Variants in CSMD3 observed in about 807,000 individuals in gnomAD.
CSMD3 encodes the protein CUB and Sushi multiple domains 3, also known as CUB and sushi domain-containing protein 3.
CSMD3 carries 177 observed loss-of-function variants against 435.2 expected under a neutral mutation model. That is an observed-to-expected ratio of 0.41 (90% CI 0.36 to 0.46). CSMD3 has a LOEUF of 0.46. Ranked by LOEUF, CSMD3 falls within the 20% of genes least tolerant of loss-of-function variation. The pLI is 0.34. For synonymous variants in CSMD3, 1,656 were observed against 1,520.5 expected (o/e 1.09, Z -2.07); for missense variants, 4,265 against 4,504.6 (o/e 0.95, Z 1.52).
intron 13 of CSMD3, among the ~76,000 whole-genome samples, chr8:112,733,802 A>C (rs2077125751): frequency 6.6e-6 from 1 of 151,976 alleles, no homozygotes; most frequent in Admixed American, 6.6e-5. Flanking sequence ...TCAGTATAAA[A>C]ATAACACTTT....
intron 13 of CSMD3, among the ~76,000 whole-genome samples, chr8:112,714,609 C>T (rs1235886140): frequency 1.3e-5 from 2 of 152,190 alleles, no homozygotes; most frequent in Non-Finnish European, 2.9e-5. Flanking sequence ...CACCCCAAAT[C>T]AATGGAATAT....
At chr8:113,020,164 C>T (rs1184597552) in intron 5 of CSMD3, among the ~76,000 whole-genome samples, 2 of 96,498 alleles carry the variant, frequency 2.1e-5, no homozygotes, top group African/African-American at 1.0e-4. Context: ...AGCGAGACTC[C>T]GTCTCAAAAA....
chr8:113,322,931 A>G (rs1313881933), intron 1 of CSMD3, among the ~76,000 whole-genome samples: 1 of 152,030 alleles, frequency 6.6e-6, no homozygotes, highest in African/African-American at 2.4e-5. Context: ...TTTTAAGTAG[A>G]GACAAGGTTT....
intron 25 of CSMD3, among the ~76,000 whole-genome samples, chr8:112,556,329 C>T (rs1294920309): frequency 6.6e-5 from 10 of 151,976 alleles, no homozygotes; most frequent in Non-Finnish European, 1.3e-4. Flanking sequence ...AAATTGAGTG[C>T]TATGCTGTAA....
chr8:113,049,735 TAGAA>T (rs1229160213), intron 5 of CSMD3, among the ~76,000 whole-genome samples: 3 of 152,158 alleles, frequency 2.0e-5, no homozygotes, highest in East Asian at 3.8e-4. Context: ...AAAATGATCT[TAGAA>T]AGGAATGTAA....
intron 1 of CSMD3, among the ~76,000 whole-genome samples, chr8:113,329,681 C>G (rs2094012133): frequency 7.0e-6 from 1 of 142,104 alleles, no homozygotes; most frequent in Admixed American, 7.9e-5. Flanking sequence ...CCAGACACAT[C>G]ACAGTGAAAC....
At chr8:112,395,477 C>G (rs1052494960) in intron 35 of CSMD3, among the ~76,000 whole-genome samples, 4 of 151,872 alleles carry the variant, frequency 2.6e-5, no homozygotes, top group Non-Finnish European at 5.9e-5. Flanking sequence ...AACTTTTTTT[C>G]CCATTCTAAG....
chr8:112,234,151 A>ACC (rs1813350746), intron 68 of CSMD3, among the ~76,000 whole-genome samples: 1 of 148,964 alleles, frequency 6.7e-6, no homozygotes, highest in Non-Finnish European at 1.5e-5. Context: ...ACACCCCACC[A>ACC]CCACACACAC....
chr8:113,360,959 T>C (rs1031860915), intron 1 of CSMD3, among the ~76,000 whole-genome samples: 3 of 152,194 alleles, frequency 2.0e-5, no homozygotes, highest in African/African-American at 7.2e-5. Flanking sequence ...AGTATTCAAA[T>C]ATCATTTCAC....
At chr8:112,314,753 C>A in intron 47 of CSMD3, 136 bp from the exon 48 acceptor site, 1 of 697,164 alleles carries the variant, frequency 1.4e-6, no homozygotes, top group South Asian at 1.6e-5. Flanking sequence ...TTAGAAGAGA[C>A]AAGTTGTATT....
chr8:112,569,970 G>A (rs1586704509), intron 24 of CSMD3, among the ~76,000 whole-genome samples: 1 of 152,026 alleles, frequency 6.6e-6, no homozygotes, highest in Admixed American at 6.6e-5. Context: ...GACCTCCTCT[G>A]CAATACCTAT....
At chr8:113,058,183 C>T (rs1289242559) in intron 5 of CSMD3, among the ~76,000 whole-genome samples, 1 of 151,752 alleles carries the variant, frequency 6.6e-6, no homozygotes, top group African/African-American at 2.4e-5. Flanking sequence ...AATTTTATTA[C>T]CCTATCAAGA....
chr8:112,728,111 G>C (rs1344621454), intron 13 of CSMD3, among the ~76,000 whole-genome samples: 5 of 151,754 alleles, frequency 3.3e-5, no homozygotes, highest in Non-Finnish European at 5.9e-5. Context: ...AGAAAATGCA[G>C]ATTGTTGGGA....
intron 38 of CSMD3, among the ~76,000 whole-genome samples, chr8:112,365,813 G>A (rs1162010320): frequency 1.3e-5 from 2 of 152,052 alleles, no homozygotes; most frequent in East Asian, 3.9e-4. Context: ...CAATTTGTGA[G>A]GAAAAATATC....
chr8:112,623,588 A>C (rs1478119997), intron 22 of CSMD3, among the ~76,000 whole-genome samples: 1 of 151,954 alleles, frequency 6.6e-6, no homozygotes, highest in Non-Finnish European at 1.5e-5. Flanking sequence ...ATATGTATAC[A>C]TGTGCCATGC....
At chr8:113,068,879 T>C (rs1394607839) in intron 5 of CSMD3, among the ~76,000 whole-genome samples, 2 of 152,060 alleles carry the variant, frequency 1.3e-5, no homozygotes, top group Non-Finnish European at 2.9e-5. Context: ...GCTGGTTTTA[T>C]GGCTGGGAAA....
At chr8:112,267,452 G>A (rs1039850187) in intron 59 of CSMD3, among the ~76,000 whole-genome samples, 1 of 151,784 alleles carries the variant, frequency 6.6e-6, no homozygotes, top group African/African-American at 2.4e-5. Flanking sequence ...CTCATGTACC[G>A]ACAATACGTC....
At chr8:113,024,133 C>T (rs2086787168) in intron 5 of CSMD3, among the ~76,000 whole-genome samples, 1 of 152,022 alleles carries the variant, frequency 6.6e-6, no homozygotes, top group African/African-American at 2.4e-5. Flanking sequence ...ATGAGACCAT[C>T]GTTTTTAGAT....
At chr8:113,041,893 A>C (rs1250508190) in intron 5 of CSMD3, among the ~76,000 whole-genome samples, 1 of 152,096 alleles carries the variant, frequency 6.6e-6, no homozygotes, top group Non-Finnish European at 1.5e-5. Context: ...AGGAGATGAG[A>C]TATTGATTGA....
Sources: gnomAD v4.1 joint callset for allele counts (sites outside exome capture counted in the v4.1 genomes callset) on GRCh38, gnomAD v4.1.1 for gene constraint, MANE v1.5 for transcripts, NCBI Gene and HGNC (gene_info 2026-07-23, HGNC 2026-07-21) for gene names.